Variants in LRGUK observed in about 807,000 individuals in gnomAD.
LRGUK encodes the protein leucine-rich repeat and guanylate kinase domain-containing protein.
LRGUK carries 65 observed loss-of-function variants against 76.0 expected under a neutral mutation model. The ratio of observed to expected loss-of-function variants is 0.85; its 90% CI spans 0.70 to 1.05. The LOEUF (loss-of-function observed/expected upper bound fraction) is 1.05, where lower values mean the gene tolerates loss of function less well. Among genes scored for constraint, LRGUK ranks in the 50% least tolerant of loss-of-function variants. The pLI, the probability that LRGUK is intolerant of heterozygous loss-of-function variation, is 0.00. For synonymous variants in LRGUK, 268 were observed against 265.6 expected (o/e 1.01, Z -0.09); for missense variants, 758 against 732.8 (o/e 1.03, Z -0.40).
intron 16 of LRGUK, among the ~76,000 whole-genome samples, chr7:134,231,496 C>T (rs1801889343): frequency 6.7e-6 from 1 of 149,240 alleles, no homozygotes; most frequent in African/African-American, 2.5e-5. Flanking sequence ...CCATTCCTTC[C>T]TTCCTTCGTT....
chr7:134,260,794 A>T (rs929180838), intron 19 of LRGUK, among the ~76,000 whole-genome samples: 1 of 152,126 alleles, frequency 6.6e-6, no homozygotes, highest in African/African-American at 2.4e-5. Flanking sequence ...GATCCCAGCT[A>T]TGCCTGTTTG....
At chr7:134,261,138 G>T (rs1271865037) in intron 19 of LRGUK, among the ~76,000 whole-genome samples, 1 of 152,150 alleles carries the variant, frequency 6.6e-6, no homozygotes, top group Non-Finnish European at 1.5e-5. Context: ...GGGACAATAA[G>T]GGTCTGGAAG....
At chr7:134,139,221 C>A (rs965332413) in intron 2 of LRGUK, among the ~76,000 whole-genome samples, 2 of 152,040 alleles carry the variant, frequency 1.3e-5, no homozygotes, top group Admixed American at 6.6e-5. Context: ...ACAACACTAA[C>A]GTTATTAAGC....
chr7:134,151,043 G>T (rs1013429387), intron 5 of LRGUK, among the ~76,000 whole-genome samples: 1 of 152,136 alleles, frequency 6.6e-6, no homozygotes, highest in Admixed American at 6.5e-5. Context: ...GTTTTGAAAA[G>T]ATAGTAGGCT....
intron 15 of LRGUK, among the ~76,000 whole-genome samples, chr7:134,216,880 G>C (rs950658570): frequency 1.3e-5 from 2 of 152,136 alleles, no homozygotes; most frequent in African/African-American, 4.8e-5. Context: ...ATTCTTGAAG[G>C]ATAAGCCCTT....
At chr7:134,224,270 AG>A (rs2117160201) in intron 16 of LRGUK, among the ~76,000 whole-genome samples, 1 of 152,362 alleles carries the variant, frequency 6.6e-6, no homozygotes, top group South Asian at 2.1e-4. Flanking sequence ...AATCAGAGGC[AG>A]CCCATTTCCC....
At chr7:134,248,866 G>T in intron 17 of LRGUK, 85 bp from the exon 18 acceptor site, 1 of 1,108,608 alleles carries the variant, frequency 9.0e-7, no homozygotes. Context: ...GCGTTTATCT[G>T]GGATATTTAG....
intron 7 of LRGUK, among the ~76,000 whole-genome samples, chr7:134,173,116 TAA>T (rs35121046): frequency 6.6e-6 from 1 of 152,086 alleles, no homozygotes; most frequent in African/African-American, 2.4e-5. Flanking sequence ...TGATCCCTTT[TAA>T]AAAAAGATAA....
chr7:134,252,877 A>C (rs1325344789), intron 18 of LRGUK, among the ~76,000 whole-genome samples: 1 of 152,200 alleles, frequency 6.6e-6, no homozygotes, highest in East Asian at 1.9e-4. Flanking sequence ...GTTTTTCAAT[A>C]CTAGAGCCCT....
intron 9 of LRGUK, 101 bp downstream of exon 9, chr7:134,177,164 A>G: frequency 1.5e-6 from 1 of 668,374 alleles, no homozygotes; most frequent in Non-Finnish European, 2.6e-6. Flanking sequence ...TAAATAAGAC[A>G]CATAACAATA....
intron 11 of LRGUK, among the ~76,000 whole-genome samples, chr7:134,185,864 T>C (rs1799961343): frequency 6.6e-6 from 1 of 152,118 alleles, no homozygotes; most frequent in South Asian, 2.1e-4. Context: ...CCACAAACAC[T>C]ATGGAAAAAT....
At chr7:134,195,296 A>T (rs1017856977) in intron 12 of LRGUK, among the ~76,000 whole-genome samples, 1 of 152,212 alleles carries the variant, frequency 6.6e-6, no homozygotes, top group Non-Finnish European at 1.5e-5. Context: ...TTTTAGTCCT[A>T]CAAAGGCAGT....
intron 16 of LRGUK, among the ~76,000 whole-genome samples, chr7:134,227,251 G>C (rs1261464509): frequency 6.6e-6 from 1 of 152,084 alleles, no homozygotes; most frequent in Non-Finnish European, 1.5e-5. Context: ...TAACATCGAA[G>C]TATGAGGTCC....
intron 16 of LRGUK, among the ~76,000 whole-genome samples, chr7:134,239,831 G>A (rs939536686): frequency 7.2e-5 from 11 of 152,174 alleles, no homozygotes; most frequent in Non-Finnish European, 1.6e-4. Flanking sequence ...CATACAGCCG[G>A]ATGCCCCTCT....
At chr7:134,173,119 A>C (rs1799328434) in intron 7 of LRGUK, among the ~76,000 whole-genome samples, 1 of 152,208 alleles carries the variant, frequency 6.6e-6, no homozygotes. Flanking sequence ...TCCCTTTTAA[A>C]AAAAGATAAT....
chr7:134,146,753 G>C (rs1797986532), intron 4 of LRGUK, among the ~76,000 whole-genome samples: 1 of 152,056 alleles, frequency 6.6e-6, no homozygotes, highest in Non-Finnish European at 1.5e-5. Flanking sequence ...AGTACTTAAA[G>C]GGTTTAGTAT....
At chr7:134,254,735 C>G (rs966721139) in intron 18 of LRGUK, among the ~76,000 whole-genome samples, 1 of 152,092 alleles carries the variant, frequency 6.6e-6, no homozygotes, top group African/African-American at 2.4e-5. Context: ...GGAAAATCAT[C>G]ATATGCAAAG....
chr7:134,231,848 T>C (rs918772617), intron 16 of LRGUK, among the ~76,000 whole-genome samples: 11 of 147,422 alleles, frequency 7.5e-5, no homozygotes, highest in African/African-American at 2.8e-4. Flanking sequence ...TCTCTCTCCC[T>C]TCCTTCCTTT....
intron 19 of LRGUK, among the ~76,000 whole-genome samples, chr7:134,261,893 A>G (rs1334508011): frequency 6.6e-6 from 1 of 152,246 alleles, no homozygotes; most frequent in African/African-American, 2.4e-5. Context: ...AATAAAATTT[A>G]TAAATCTGGC....
Sources: allele counts gnomAD v4.1 joint callset (sites outside exome capture counted in the v4.1 genomes callset), GRCh38; gene constraint gnomAD v4.1.1; transcripts MANE v1.5; gene names NCBI Gene and HGNC (gene_info 2026-07-23, HGNC 2026-07-21).